The following CUX1 variants were observed in gnomAD, a reference collection of about 807,000 sequenced individuals.
CUX1 encodes the protein cut like homeobox 1, also known as protein CASP.
A neutral mutation model predicts 158.8 loss-of-function variants in CUX1; 31 were observed. That is an observed-to-expected ratio of 0.20 (90% CI 0.15 to 0.26). The LOEUF (loss-of-function observed/expected upper bound fraction) is 0.26. Among genes scored for constraint, CUX1 ranks in the 10% least tolerant of loss-of-function variants. The pLI, the probability that CUX1 is intolerant of heterozygous loss-of-function variation, is 1.00. For missense variants in CUX1, 1,589 were observed against 2,014.6 expected (o/e 0.79, Z 4.04); for synonymous variants, 879 against 862.1 (o/e 1.02, Z -0.34).
chr7:101,934,229 C>T (rs1037515716), intron 2 of CUX1, among the ~76,000 whole-genome samples: 1 of 152,220 alleles, frequency 6.6e-6, no homozygotes, highest in African/African-American at 2.4e-5. Context: ...GAAAATCTCT[C>T]TCTGACTTCC....
At position 102,195,603 on chromosome 7, in the gene CUX1, G is replaced by A; in HGVS notation, c.1222G>A (p.Gly408Arg). 1 of 1,603,998 alleles carries A rather than the reference G, an allele frequency of 6.2e-7. No individual in the cohort carries two copies. The highest frequency in any genetic ancestry group is 8.5e-7 in the Non-Finnish European group (1 of 1,176,374). The change falls in exon 14 of 24, where the codon GGG becomes AGG. Residue 408 changes from glycine (G) to arginine (R), a missense_variant and splice_region_variant. Transcript: ENST00000292535. Reference sequence around the variant, plus strand: ...GCGCATCTCCAACAGCGACCTGAGCGGTAGGTTGGCCGGGCTTCGCGCGTG... The same window carrying A: ...GCGCATCTCCAACAGCGACCTGAGCAGTAGGTTGGCCGGGCTTCGCGCGTG... The part of the protein sequence containing the change: ...ALRISNSDLS[G>R]SARRKGKDQP...
chr7:101,859,901 G>T, intron 1 of CUX1, among the ~76,000 whole-genome samples: 2 of 142,576 alleles, frequency 1.4e-5, no homozygotes, highest in Admixed American at 7.2e-5. Context: ...CTCTTTTCTT[G>T]GCTTATTTCC....
chr7:101,836,505 C>G (rs1384620060), intron 1 of CUX1, among the ~76,000 whole-genome samples: 1 of 151,768 alleles, frequency 6.6e-6, no homozygotes, highest in African/African-American at 2.4e-5. Context: ...TGCTCAGCAA[C>G]AAGGGACCCC....
downstream of CUX1, among the ~76,000 whole-genome samples, chr7:102,258,776 C>T (rs996327516): frequency 2.6e-5 from 4 of 152,192 alleles, no homozygotes; most frequent in Non-Finnish European, 5.9e-5. Flanking sequence ...TCACTGTGCC[C>T]CTGACTCCTG....
intron 1 of CUX1, among the ~76,000 whole-genome samples, chr7:101,845,200 G>C (rs1795564203): frequency 6.6e-6 from 1 of 151,688 alleles, no homozygotes; most frequent in African/African-American, 2.4e-5. Flanking sequence ...TGCCCACTCT[G>C]GTCTCAAACT....
intron 1 of CUX1, among the ~76,000 whole-genome samples, chr7:101,898,585 CTTT>C (rs67714464): frequency 2.6e-5 from 3 of 115,456 alleles, no homozygotes; most frequent in Admixed American, 1.9e-4. Context: ...ATTTCTGTGT[CTTT>C]TTTTTTTTTT....
At chr7:102,046,167 A>G (rs1822765391) in intron 3 of CUX1, among the ~76,000 whole-genome samples, 1 of 152,190 alleles carries the variant, frequency 6.6e-6, no homozygotes, top group South Asian at 2.1e-4. Context: ...CTTGTGATAG[A>G]CCAATGTCAG....
intron 8 of CUX1, among the ~76,000 whole-genome samples, chr7:102,116,972 G>A (rs961772099): frequency 2.6e-5 from 4 of 152,154 alleles, no homozygotes; most frequent in African/African-American, 9.6e-5. Flanking sequence ...AGACTGTTAC[G>A]GCTCCATGGG....
At chr7:101,959,706 A>G (rs1810229557) in intron 2 of CUX1, 1 of 152,114 alleles carries the variant, frequency 6.6e-6, no homozygotes, top group Admixed American at 6.6e-5. Flanking sequence ...CTCTCTCACA[A>G]GAAGTATATT....
chr7:101,823,375 G>A (rs1792896335), intron 1 of CUX1, among the ~76,000 whole-genome samples: 1 of 152,226 alleles, frequency 6.6e-6, no homozygotes, highest in Non-Finnish European at 1.5e-5. Context: ...AAGTGAAACT[G>A]ACTTGGTTCT....
At chr7:102,117,229 C>G (rs1341889847) in intron 8 of CUX1, among the ~76,000 whole-genome samples, 1 of 151,928 alleles carries the variant, frequency 6.6e-6, no homozygotes, top group African/African-American at 2.4e-5. Context: ...AAAACCCCAT[C>G]TCTACTAAAA....
chr7:102,114,329 G>A (rs2131109609), intron 7 of CUX1, among the ~76,000 whole-genome samples: 1 of 152,318 alleles, frequency 6.6e-6, no homozygotes, highest in East Asian at 1.9e-4. Context: ...GGCCTGGAGT[G>A]CAGTGGCATG....
intron 5 of CUX1, among the ~76,000 whole-genome samples, chr7:102,100,009 G>A (rs1305603618): frequency 6.6e-6 from 1 of 152,168 alleles, no homozygotes; most frequent in Non-Finnish European, 1.5e-5. Flanking sequence ...GCCAGGTGCA[G>A]CGACTCACGC....
At chr7:101,956,687 C>A (rs193240751) in intron 2 of CUX1, among the ~76,000 whole-genome samples, 1 of 152,266 alleles carries the variant, frequency 6.6e-6, no homozygotes, top group Non-Finnish European at 1.5e-5. Flanking sequence ...TGGCTCACGC[C>A]TATAATCCCA....
At chr7:102,011,121 T>TAAA (rs112751614) in intron 2 of CUX1, among the ~76,000 whole-genome samples, 2 of 145,150 alleles carry the variant, frequency 1.4e-5, no homozygotes, top group Non-Finnish European at 3.0e-5. Flanking sequence ...CTCAGAAAAA[T>TAAA]AAAAAAAAAA....
chr7:102,167,789 A>T (rs903732284), intron 9 of CUX1, among the ~76,000 whole-genome samples: 8 of 152,116 alleles, frequency 5.3e-5, no homozygotes, highest in African/African-American at 1.9e-4. Flanking sequence ...TAGTCTTAAT[A>T]GTTGATTAGG....
intron 5 of CUX1, among the ~76,000 whole-genome samples, chr7:102,099,361 TC>T (rs1829546374): frequency 6.6e-6 from 1 of 152,100 alleles, no homozygotes; most frequent in Non-Finnish European, 1.5e-5. Context: ...GGTATTACCT[TC>T]CCTTGTAGGA....
chr7:101,996,004 C>T (rs1815822367), intron 2 of CUX1, among the ~76,000 whole-genome samples: 1 of 151,732 alleles, frequency 6.6e-6, no homozygotes, highest in East Asian at 1.9e-4. Flanking sequence ...CCCAGCTACT[C>T]GGGAGGCTGA....
chr7:101,916,551 C>G lies in CUX1; in HGVS notation c.141+326C>G, dbSNP rs148496701. 1.1e-5 allele frequency: 3 copies of G among 272,142 alleles called. No homozygotes were observed. The highest frequency in any genetic ancestry group is 1.5e-5 in the Non-Finnish European group (2 of 133,384). The allele number at this position is 272,142 out of a possible 1,614,324, so 16.9% of individuals were successfully genotyped here. On this transcript the variant is annotated intron_variant, in intron 2 of 23. Transcript: ENST00000292535. The surrounding 1 kb of genome is among the most constrained non-coding windows in gnomAD (Gnocchi z 4.4). Reference sequence around the variant, plus strand: ...CCCTCGAGCTCATCCCAGACCCTGTCCCATGTCAGTTAGCAAGCCACCAAA... The same window carrying G: ...CCCTCGAGCTCATCCCAGACCCTGTGCCATGTCAGTTAGCAAGCCACCAAA...
Sources: allele counts gnomAD v4.1 joint callset (sites outside exome capture counted in the v4.1 genomes callset), GRCh38; gene constraint gnomAD v4.1.1; non-coding constraint Gnocchi (gnomAD v3.1); transcripts MANE v1.5; gene names NCBI Gene and HGNC (gene_info 2026-07-23, HGNC 2026-07-21).